Variants in BTBD7 observed in about 807,000 individuals in gnomAD.
BTBD7 encodes the protein BTB domain containing 7, also known as BTB/POZ domain-containing protein 7.
In BTBD7, 38 loss-of-function variants were observed where a neutral mutation model predicts 99.9. That is an observed-to-expected ratio of 0.38 (90% confidence interval 0.29 to 0.50). The LOEUF (loss-of-function observed/expected upper bound fraction) is 0.50, where lower values mean the gene tolerates loss of function less well. BTBD7 is among the 20% of genes least tolerant of loss of function. BTBD7 has a pLI of 0.93. For missense variants in BTBD7, 1,170 were observed against 1,394.6 expected, an observed-to-expected ratio of 0.84 and a Z score of 2.57; for synonymous variants, 520 against 511.4, an observed-to-expected ratio of 1.02 and a Z score of -0.23.
chr14:93,312,648 G>C (rs2053151154), intron 1 of BTBD7, among the ~76,000 whole-genome samples: 1 of 152,134 alleles, frequency 6.6e-6, no homozygotes, highest in Admixed American at 6.5e-5. Flanking sequence ...AGCCCTACAG[G>C]AGACTGAGGC....
chr14:93,259,625 T>G (rs1399553767), intron 5 of BTBD7, among the ~76,000 whole-genome samples: 1 of 152,190 alleles, frequency 6.6e-6, no homozygotes. Flanking sequence ...TGAGAACTAA[T>G]TGTATGCTGG....
intron 1 of BTBD7, among the ~76,000 whole-genome samples, chr14:93,311,159 T>C (rs1454420910): frequency 6.6e-6 from 1 of 152,248 alleles, no homozygotes; most frequent in East Asian, 1.9e-4. Context: ...GACTTACATC[T>C]ATGTGACAGG....
At chr14:93,332,556 TCGCGCCCCTGCCC>T (rs1412392321) in intron 1 of BTBD7, among the ~76,000 whole-genome samples, 122 of 149,774 alleles carry the variant, frequency 8.1e-4, no homozygotes, top group African/African-American at 2.9e-3. Flanking sequence ...GCGCCACACC[TCGCGCCCCTGCCC>T]CAGGGACGGC....
Position 93,242,620 on chromosome 14 carries a change from G to T in BTBD7, c.3052C>A (p.His1018Asn). Reference sequence around the variant, plus strand: ...TGTATCGGCTCATTCTTTTGTCTGTGTAGATGCCCGTCAGGGGAAAGTGGA... The same window carrying T: ...TGTATCGGCTCATTCTTTTGTCTGTTTAGATGCCCGTCAGGGGAAAGTGGA... ...EYPLSPDGHL[H>N]RQKNEPIHLD... Residue 1018 changes from histidine (H) to asparagine (N), a missense_variant, in exon 11 of 11, where the codon CAC becomes AAC. By Grantham distance (68) the His-to-Asn change is moderately conservative. This residue lies in a region of BTBD7 where 495 missense variants were observed against 525.9 expected (regional missense o/e 0.94). Transcript: ENST00000334746. The T allele has an allele frequency of 6.2e-7, 1 of 1,614,196 alleles. No individual in the cohort carries two copies. Among genetic ancestry groups the T allele is most frequent in the East Asian group, 2.2e-5 (1 of 44,874 alleles).
Position 93,241,839 on chromosome 14 carries a change from T to C in BTBD7, c.*434A>G, listed in dbSNP as rs1419177647. The C allele has an allele frequency of 6.0e-6, 1 of 167,680 alleles. No individual in the cohort carries two copies. The highest frequency in any genetic ancestry group is 1.3e-5 in the Non-Finnish European group (1 of 78,114). 10.4% of individuals were successfully genotyped at this position (167,680 alleles called of 1,614,324 possible). ...AACTATTTCGTAAGAAAATACATCT[T>C]AGTGTGCAATCCAATGCACATGGAT... On this transcript the variant is annotated 3_prime_UTR_variant, in exon 11 of 11. Coordinates refer to ENST00000334746, the MANE Select transcript of BTBD7 (RefSeq NM_001002860.4).
intron 8 of BTBD7, among the ~76,000 whole-genome samples, chr14:93,249,344 C>T (rs1045562950): frequency 6.9e-6 from 1 of 145,016 alleles, no homozygotes; most frequent in Admixed American, 7.0e-5. Flanking sequence ...GACAGCCTGG[C>T]AGAAGTGGTT....
intron 1 of BTBD7, among the ~76,000 whole-genome samples, chr14:93,304,729 A>C (rs1210944291): frequency 6.6e-6 from 1 of 152,246 alleles, no homozygotes; most frequent in Non-Finnish European, 1.5e-5. Flanking sequence ...ACTGAATTTA[A>C]AGGGAAAAAA....
At chr14:93,253,536 AT>A in intron 7 of BTBD7, 110 bp downstream of exon 7, 1 of 963,684 alleles carries the variant, frequency 1.0e-6, no homozygotes, top group Non-Finnish European at 1.4e-6. Context: ...CATTTTCCCT[AT>A]TGTTGAAAAT....
At chr14:93,253,500 T>C in intron 7 of BTBD7, 147 bp downstream of exon 7, 3 of 609,616 alleles carry the variant, frequency 4.9e-6, no homozygotes, top group East Asian at 3.1e-5. Context: ...ACTATTCTGT[T>C]GAGTAGTCAA....
intron 5 of BTBD7, 86 bp from the exon 6 acceptor site, chr14:93,257,441 G>A (rs552798893): frequency 9.0e-5 from 113 of 1,259,218 alleles, no homozygotes; most frequent in Middle Eastern, 3.9e-4. Flanking sequence ...TACACTAACA[G>A]TACCACTCTA....
At chr14:93,327,321 T>C (rs999617689) in intron 1 of BTBD7, among the ~76,000 whole-genome samples, 2 of 152,248 alleles carry the variant, frequency 1.3e-5, no homozygotes, top group African/African-American at 4.8e-5. Context: ...TGCTAGATAC[T>C]AGAAATACAA....
intron 3 of BTBD7, among the ~76,000 whole-genome samples, chr14:93,278,295 T>G (rs2052679368): frequency 6.6e-6 from 1 of 152,134 alleles, no homozygotes; most frequent in Admixed American, 6.6e-5. Flanking sequence ...ACGCCTCTAA[T>G]TCCAGCTACT....
chr14:93,242,311 T>C lies in BTBD7; in HGVS notation c.3361A>G (p.Ser1121Gly). Residue 1121 changes from serine (S) to glycine (G), a missense_variant, in exon 11 of 11, where the codon AGC becomes GGC. Ser to Gly is a moderately conservative substitution (Grantham distance 56). Transcript: ENST00000334746. ...TTTTTGTAGAGGAAGTCCGGCTTGCTTGGTGACCTCCTTCCTCTGCTTATT... is the reference window on the plus strand; with the variant it reads ...TTTTTGTAGAGGAAGTCCGGCTTGCCTGGTGACCTCCTTCCTCTGCTTATT... ...DSISRGRRSP[S>G]KPDFLYKKSA... 1 of 1,614,156 alleles carries C rather than the reference T, an allele frequency of 6.2e-7. No individual in the cohort carries two copies. The highest frequency in any genetic ancestry group is 8.5e-7 in the Non-Finnish European group (1 of 1,179,990).
At chr14:93,246,524 C>T (rs1255710497) in intron 9 of BTBD7, among the ~76,000 whole-genome samples, 1 of 152,230 alleles carries the variant, frequency 6.6e-6, no homozygotes, top group Non-Finnish European at 1.5e-5. Context: ...ATCGAATGCT[C>T]CTCAAGCAGG....
chr14:93,288,760 G>A, intron 3 of BTBD7: 4 of 1,593,294 alleles, frequency 2.5e-6, no homozygotes, highest in Non-Finnish European at 3.4e-6. Flanking sequence ...ACCCCTGAGT[G>A]TAATTTCACT....
chr14:93,292,959 C>G (rs1023976095), intron 3 of BTBD7, among the ~76,000 whole-genome samples: 1 of 152,134 alleles, frequency 6.6e-6, no homozygotes, highest in Non-Finnish European at 1.5e-5. Flanking sequence ...TTACCCAAAC[C>G]ATTAATATTT....
intron 3 of BTBD7, among the ~76,000 whole-genome samples, chr14:93,279,693 G>A (rs2052696665): frequency 6.6e-6 from 1 of 152,110 alleles, no homozygotes; most frequent in African/African-American, 2.4e-5. Flanking sequence ...GATTACAGGT[G>A]CCCATGACCA....
intron 3 of BTBD7, among the ~76,000 whole-genome samples, chr14:93,267,819 C>T (rs1595298644): frequency 6.6e-6 from 1 of 152,184 alleles, no homozygotes; most frequent in African/African-American, 2.4e-5. Flanking sequence ...TTACCACCTC[C>T]TTTTCAGAAC....
rs868715042 is a variant in BTBD7 at position 93,332,847 on chromosome 14, T to C, written c.-134A>G. The C allele has an allele frequency of 2.6e-4, 383 of 1,478,254 alleles. No homozygotes were observed. Among genetic ancestry groups the C allele is most frequent in the African/African-American group, 2.4e-3 (167 of 68,198 alleles). The allele number at this position is 1,478,254 out of a possible 1,614,324, so 91.6% of individuals were successfully genotyped here. A position where few individuals can be genotyped will look rare whatever the true frequency, so the allele number is the denominator to read the frequency against. Reference sequence around the variant, plus strand: ...CGGAGGCTCCTCCCGCCGCTGCTGCTGCCGCTGGGACCGCTGCCGTCGCCT... The same window carrying C: ...CGGAGGCTCCTCCCGCCGCTGCTGCCGCCGCTGGGACCGCTGCCGTCGCCT... On this transcript the variant is annotated 5_prime_UTR_variant, in exon 1 of 11. Coordinates refer to ENST00000334746, the MANE Select transcript of BTBD7 (RefSeq NM_001002860.4).
Sources: allele counts gnomAD v4.1 joint callset (sites outside exome capture counted in the v4.1 genomes callset), GRCh38; gene constraint gnomAD v4.1.1; regional missense constraint gnomAD v4.1.1; transcripts MANE v1.5; gene names NCBI Gene and HGNC (gene_info 2026-07-23, HGNC 2026-07-21).